SPAG17: variants seen among roughly 807,000 people sequenced by gnomAD.
SPAG17 encodes sperm associated antigen 17, also known as sperm-associated antigen 17.
A neutral mutation model predicts 273.6 loss-of-function variants in SPAG17; 169 were observed. That is an observed-to-expected ratio of 0.62 (90% confidence interval 0.55 to 0.70). The LOEUF is 0.70. Ranked by LOEUF, SPAG17 falls within the 30% of genes least tolerant of loss-of-function variation. SPAG17 has a pLI of 0.00. For synonymous variants in SPAG17, 825 were observed against 873.2 expected (o/e 0.94, Z 0.97); for missense variants, 2,557 against 2,627.8 (o/e 0.97, Z 0.59).
At chr1:118,111,586 A>ACC (rs1309755894) in intron 4 of SPAG17, among the ~76,000 whole-genome samples, 5 of 151,024 alleles carry the variant, frequency 3.3e-5, no homozygotes, top group African/African-American at 1.2e-4. Context: ...ACACACACAC[A>ACC]CACACAAATG....
intron 40 of SPAG17, among the ~76,000 whole-genome samples, chr1:117,986,145 A>T (rs1656378499): frequency 6.6e-6 from 1 of 152,188 alleles, no homozygotes; most frequent in Non-Finnish European, 1.5e-5. Flanking sequence ...CTGTCTGGAA[A>T]TATCAGACAG....
intron 48 of SPAG17, among the ~76,000 whole-genome samples, chr1:117,955,750 T>C (rs1652106660): frequency 6.6e-6 from 1 of 151,784 alleles, no homozygotes; most frequent in African/African-American, 2.4e-5. Context: ...ATTTGTTTGT[T>C]GTTCATATTC....
intron 29 of SPAG17, among the ~76,000 whole-genome samples, chr1:118,015,146 G>T (rs950675409): frequency 2.0e-5 from 3 of 151,964 alleles, no homozygotes; most frequent in African/African-American, 7.3e-5. Context: ...TTAGCCGGGC[G>T]TGGTGGCAGG....
intron 1 of SPAG17, among the ~76,000 whole-genome samples, chr1:118,183,587 G>A (rs375235450): frequency 6.6e-6 from 1 of 152,262 alleles, no homozygotes; most frequent in African/African-American, 2.4e-5. Flanking sequence ...ATTTATTGAA[G>A]TTATATTGTT....
At chr1:118,129,757 TTTTC>T (rs1221904376) in intron 3 of SPAG17, among the ~76,000 whole-genome samples, 4 of 151,772 alleles carry the variant, frequency 2.6e-5, no homozygotes, top group Admixed American at 6.6e-5. Flanking sequence ...GTTTTTTTCT[TTTTC>T]TTTCTTTCCT....
chr1:118,057,377 T>C (rs1289782838), intron 18 of SPAG17, among the ~76,000 whole-genome samples: 1 of 152,104 alleles, frequency 6.6e-6, no homozygotes, highest in Non-Finnish European at 1.5e-5. Context: ...ATTCTCAACA[T>C]AGCAATGAGG....
chr1:118,170,611 A>C (rs1176443799), intron 1 of SPAG17, among the ~76,000 whole-genome samples: 1 of 152,216 alleles, frequency 6.6e-6, no homozygotes, highest in Non-Finnish European at 1.5e-5. Context: ...AACATCATTT[A>C]ATATTCACAG....
In SPAG17 at chr1:118,097,855, A is replaced by G. The variant is rs1227995869; in HGVS notation, c.830-4T>C. The stretch of plus-strand genomic sequence containing the variant: ...TTCAATTTTTCTGCTTCTAGATCTA[A>G]TAATAGCAACATGTTTATATTACCA... On this transcript the variant is annotated splice_polypyrimidine_tract_variant and splice_region_variant and intron_variant, in intron 6 of 48. Transcript: ENST00000336338. 1.3e-6 allele frequency: 2 copies of G among 1,561,608 alleles called. No homozygotes were observed. The highest frequency in any genetic ancestry group is 4.5e-5 in the East Asian group (2 of 44,114).
chr1:118,007,843 G>A (rs145265105), intron 31 of SPAG17, among the ~76,000 whole-genome samples: 69 of 152,254 alleles, frequency 4.5e-4, no homozygotes, highest in Middle Eastern at 3.4e-3. Context: ...AAACAAGCAG[G>A]ACAATGTTTT....
intron 24 of SPAG17, among the ~76,000 whole-genome samples, chr1:118,033,850 C>A (rs1429154188): frequency 6.6e-6 from 1 of 152,188 alleles, no homozygotes; most frequent in Admixed American, 6.5e-5. Flanking sequence ...GCTCTAAAGT[C>A]CCATCTGAAA....
In SPAG17 at chr1:118,025,455, G is replaced by T. The variant is rs771267946; in HGVS notation, c.3731-39C>A. The T allele has an allele frequency of 4.5e-6, 6 of 1,327,354 alleles. No homozygotes were observed. The South Asian group carries it at 1.0e-4, about 22-fold the overall frequency. 82.2% of individuals were successfully genotyped at this position (1,327,354 alleles called of 1,614,324 possible). The stretch of plus-strand genomic sequence containing the variant: ...AAAGCCTTCTTGTGAACTGGACAAT[G>T]CTGCAGGGCTGGATTTTATCATCTT... On this transcript the variant is annotated intron_variant, in intron 26 of 48. Coordinates refer to ENST00000336338, the MANE Select transcript of SPAG17 (RefSeq NM_206996.4).
chr1:117,967,551 C>G (rs540027897), intron 46 of SPAG17, among the ~76,000 whole-genome samples: 1 of 152,122 alleles, frequency 6.6e-6, no homozygotes, highest in East Asian at 1.9e-4. Flanking sequence ...CAAAGCCGTC[C>G]TGGGCCATGG....
intron 38 of SPAG17, among the ~76,000 whole-genome samples, chr1:117,988,954 T>C (rs533714288): frequency 2.1e-4 from 32 of 152,354 alleles, no homozygotes; most frequent in Non-Finnish European, 3.5e-4. Context: ...AACAGCTGTT[T>C]ATTTCCTGGA....
chr1:118,154,184 G>A (rs1659530761), intron 1 of SPAG17, among the ~76,000 whole-genome samples: 1 of 152,162 alleles, frequency 6.6e-6, no homozygotes, highest in Non-Finnish European at 1.5e-5. Flanking sequence ...ATTTCAAGGG[G>A]TCTTAAGAGT....
chr1:118,025,330 T>G lies in SPAG17; in HGVS notation c.3817A>C (p.Lys1273Gln), dbSNP rs780795430. Residue 1273 changes from lysine (K) to glutamine (Q), a missense_variant, in exon 27 of 49, where the codon AAA (lysine) becomes CAA (glutamine). Physicochemically the swap from Lys to Gln is moderately conservative, Grantham distance 53. Coordinates refer to ENST00000336338, the MANE Select transcript of SPAG17 (RefSeq NM_206996.4). ...PQRVKHYEFY[K>Q]TVMPPAEQEA... ...TGCTCTGCGGGTGGCATCACCGTTT[T>G]ATAGAACTCATAGTGCTTCACCCTC... The G allele has an allele frequency of 1.5e-5, 24 of 1,613,516 alleles. No homozygotes were observed. The highest frequency in any genetic ancestry group is 1.6e-4 in the Middle Eastern group (1 of 6,068).
chr1:118,184,978 G>T, intron 1 of SPAG17, 93 bp downstream of exon 1: 1 of 1,052,962 alleles, frequency 9.5e-7, no homozygotes, highest in Non-Finnish European at 1.5e-6. Context: ...AGATACGGAA[G>T]AGAGGGCGAG....
intron 3 of SPAG17, among the ~76,000 whole-genome samples, chr1:118,121,720 A>G (rs1295592439): frequency 6.6e-6 from 1 of 152,190 alleles, no homozygotes; most frequent in African/African-American, 2.4e-5. Context: ...ACTGGTGTAC[A>G]TGAGTGCATG....
intron 20 of SPAG17, among the ~76,000 whole-genome samples, chr1:118,043,770 T>C (rs1395850374): frequency 1.3e-5 from 2 of 152,228 alleles, no homozygotes; most frequent in African/African-American, 2.4e-5. Context: ...ATATTGTTAC[T>C]AGCACAGAAA....
intron 1 of SPAG17, among the ~76,000 whole-genome samples, chr1:118,176,117 A>T (rs1266672131): frequency 1.3e-5 from 2 of 152,196 alleles, no homozygotes; most frequent in Non-Finnish European, 2.9e-5. Context: ...CATAAAAATA[A>T]AAAGAAACAA....
Sources: allele counts gnomAD v4.1 joint callset (sites outside exome capture counted in the v4.1 genomes callset), GRCh38; gene constraint gnomAD v4.1.1; transcripts MANE v1.5; gene names NCBI Gene and HGNC (gene_info 2026-07-23, HGNC 2026-07-21).